Variants in MPPED1 observed in about 807,000 individuals in gnomAD.
The protein encoded by MPPED1 is metallophosphoesterase domain containing 1.
In MPPED1, 16 loss-of-function variants were observed where a neutral mutation model predicts 36.2. The observed-to-expected ratio is 0.44, with a 90% CI of 0.30 to 0.67. The LOEUF is 0.67. Among genes scored for constraint, MPPED1 ranks in the 30% least tolerant of loss-of-function variants. The pLI is 0.10. For synonymous variants in MPPED1, 199 were observed against 191.3 expected, an observed-to-expected ratio of 1.04 and a Z score of -0.33; for missense variants, 307 against 453.4, an observed-to-expected ratio of 0.68 and a Z score of 2.93.
At chr22:43,455,852 G>A (rs1277980187) in intron 3 of MPPED1, among the ~76,000 whole-genome samples, 1 of 152,134 alleles carries the variant, frequency 6.6e-6, no homozygotes. Flanking sequence ...AATTTCCTGA[G>A]GCTGCAGTAA....
chr22:43,429,791 C>T (rs548309444), intron 2 of MPPED1, among the ~76,000 whole-genome samples: 5 of 151,658 alleles, frequency 3.3e-5, no homozygotes, highest in Admixed American at 6.6e-5. Context: ...TCAGGGATCA[C>T]GGAGGACTTT....
chr22:43,463,872 TTTC>T, intron 3 of MPPED1, among the ~76,000 whole-genome samples: 2 of 148,902 alleles, frequency 1.3e-5, no homozygotes, highest in Admixed American at 6.8e-5. Context: ...TCTTTCTTTC[TTTC>T]TCTTTCTGTC....
intron 3 of MPPED1, among the ~76,000 whole-genome samples, chr22:43,447,570 A>G (rs1367979676): frequency 6.6e-6 from 1 of 151,870 alleles, no homozygotes; most frequent in Non-Finnish European, 1.5e-5. Context: ...CATTTGGAGA[A>G]TACGATCGCC....
At chr22:43,494,661 A>G (rs564330123) in intron 4 of MPPED1, among the ~76,000 whole-genome samples, 4 of 129,734 alleles carry the variant, frequency 3.1e-5, no homozygotes, top group Non-Finnish European at 6.4e-5. Flanking sequence ...GGGGTTGGCA[A>G]CATGTCTTTT....
In MPPED1 at chr22:43,506,891, G is replaced by T. The variant is rs1043077308; in HGVS notation, c.*1275G>T. On this transcript the variant is annotated 3_prime_UTR_variant, in exon 7 of 7. Transcript: ENST00000443721. ...TTCTGCATTTATTTTGATTTTTAAC[G>T]TTGCATTAAAGTAGTATTATTTGTC... is the stretch of plus-strand genomic sequence containing the variant. 1 of 152,060 alleles carries T rather than the reference G, an allele frequency of 6.6e-6. No individual in the cohort carries two copies. Among genetic ancestry groups the T allele is most frequent in the Admixed American group, 6.5e-5 (1 of 15,278 alleles). The allele number at this position is 152,060 out of a possible 1,614,324, so 9.4% of individuals were successfully genotyped here.
At position 43,433,065 on chromosome 22, in the gene MPPED1, TG is replaced by T. The variant is rs768760286; in HGVS notation, c.225-1962del. Among the ~76,000 whole-genome samples, 166 of 151,876 alleles carry T rather than the reference TG, an allele frequency of 1.1e-3. 2 individuals are homozygous for T. The highest frequency in any genetic ancestry group is 2.0e-3 in the Non-Finnish European group (139 of 67,912). On this transcript the variant is annotated intron_variant, in intron 2 of 6. Coordinates refer to ENST00000443721, the MANE Select transcript of MPPED1 (RefSeq NM_001044370.2). Reference sequence around the variant, plus strand: ...TGCCCTTGGTCTGATCAGCTGTGTGTGGGGGGGCGGCAGGGTATGTAGGTCA... The same window carrying T: ...TGCCCTTGGTCTGATCAGCTGTGTGTGGGGGGCGGCAGGGTATGTAGGTCA...
chr22:43,432,003 C>T (rs1253267940), intron 2 of MPPED1, among the ~76,000 whole-genome samples: 3 of 152,188 alleles, frequency 2.0e-5, no homozygotes, highest in Non-Finnish European at 4.4e-5. Context: ...AACCGCACTG[C>T]TCTTGGCTGG....
At chr22:43,442,651 A>G (rs1468592316) in intron 3 of MPPED1, among the ~76,000 whole-genome samples, 1 of 152,078 alleles carries the variant, frequency 6.6e-6, no homozygotes, top group Non-Finnish European at 1.5e-5. Flanking sequence ...CTCTGTCAGG[A>G]CTGGCAGCCT....
intron 3 of MPPED1, among the ~76,000 whole-genome samples, chr22:43,439,005 C>G (rs1046126230): frequency 2.0e-5 from 3 of 152,188 alleles, no homozygotes; most frequent in African/African-American, 7.2e-5. Flanking sequence ...AAATCATATT[C>G]TGGGAGCCAC....
intron 4 of MPPED1, among the ~76,000 whole-genome samples, chr22:43,480,629 T>C (rs1931719174): frequency 6.6e-6 from 1 of 152,210 alleles, no homozygotes; most frequent in Non-Finnish European, 1.5e-5. Flanking sequence ...CCAGTTGTGA[T>C]GTTACTAATA....
At chr22:43,438,261 T>G (rs181950183) in intron 3 of MPPED1, among the ~76,000 whole-genome samples, 3 of 152,154 alleles carry the variant, frequency 2.0e-5, no homozygotes, top group Admixed American at 6.5e-5. Context: ...ACGGAAGGCC[T>G]CCCTGAGGAG....
intron 3 of MPPED1, among the ~76,000 whole-genome samples, chr22:43,472,079 G>C (rs540911286): frequency 1.4e-4 from 22 of 152,310 alleles, no homozygotes; most frequent in African/African-American, 4.8e-4. Context: ...GTGGGGATTG[G>C]GGCCAGCTGG....
chr22:43,418,707 G>A (rs1194605282), intron 1 of MPPED1: 1 of 158,352 alleles, frequency 6.3e-6, no homozygotes, highest in Non-Finnish European at 1.4e-5. Flanking sequence ...ATCTGGCCCA[G>A]AGCAGGAGCA....
intron 3 of MPPED1, among the ~76,000 whole-genome samples, chr22:43,460,681 A>G (rs1158042222): frequency 6.6e-6 from 1 of 152,018 alleles, no homozygotes; most frequent in African/African-American, 2.4e-5. Flanking sequence ...CTGGTCAGAG[A>G]TTTCCTTACA....
chr22:43,425,872 A>G (rs1929450713), intron 2 of MPPED1, among the ~76,000 whole-genome samples: 1 of 152,242 alleles, frequency 6.6e-6, no homozygotes, highest in Admixed American at 6.5e-5. Flanking sequence ...TGGGGAGCAC[A>G]CAGACTCAAG....
chr22:43,500,152 T>TGGTGGTGGTGATGGTGATGGA (rs1178347579), intron 5 of MPPED1, among the ~76,000 whole-genome samples: 5 of 73,326 alleles, frequency 6.8e-5, no homozygotes, highest in East Asian at 8.4e-4. Context: ...GTGGTGGGGG[T>TGGTGGTGGTGATGGTGATGGA]GGTGGTGGTG....
intron 4 of MPPED1, among the ~76,000 whole-genome samples, chr22:43,486,507 G>C (rs1353055581): frequency 6.6e-6 from 1 of 152,156 alleles, no homozygotes; most frequent in Non-Finnish European, 1.5e-5. Context: ...CAGCCACATG[G>C]CTGGAAAATG....
chr22:43,479,026 G>A (rs1277896267), intron 4 of MPPED1, among the ~76,000 whole-genome samples: 5 of 152,144 alleles, frequency 3.3e-5, no homozygotes, highest in Admixed American at 6.5e-5. Context: ...TGAAGAACCC[G>A]CCGGCCTGGC....
intron 2 of MPPED1, among the ~76,000 whole-genome samples, chr22:43,425,721 G>T (rs1295754872): frequency 6.6e-6 from 1 of 152,248 alleles, no homozygotes; most frequent in Non-Finnish European, 1.5e-5. Flanking sequence ...CCAGTCTTGG[G>T]CTCTTTGTTT....
Sources: allele counts gnomAD v4.1 joint callset (sites outside exome capture counted in the v4.1 genomes callset), GRCh38; gene constraint gnomAD v4.1.1; transcripts MANE v1.5; gene names NCBI Gene and HGNC (gene_info 2026-07-23, HGNC 2026-07-21).